Variants in SNAP25 observed in about 807,000 individuals in gnomAD.
SNAP25 encodes synaptosomal-associated protein 25.
SNAP25 carries 3 observed loss-of-function variants against 28.7 expected under a neutral mutation model. The observed-to-expected ratio is 0.10, with a 90% confidence interval of 0.05 to 0.27. SNAP25 has a LOEUF of 0.27. Among genes scored for constraint, SNAP25 ranks in the 10% least tolerant of loss-of-function variants. The probability of loss-of-function intolerance (pLI) is 1.00; values close to 1 mark genes in which losing one functional copy is unlikely to be tolerated. For missense variants in SNAP25, 117 were observed against 278.7 expected, an observed-to-expected ratio of 0.42 and a Z score of 4.13; for synonymous variants, 61 against 88.1, an observed-to-expected ratio of 0.69 and a Z score of 1.72.
At chr20:10,294,976 A>G (rs377363871) in intron 5 of SNAP25, among the ~76,000 whole-genome samples, 1 of 152,224 alleles carries the variant, frequency 6.6e-6, no homozygotes, top group African/African-American at 2.4e-5. Context: ...GTCCCCTGGG[A>G]TGGATTCTGA....
intron 4 of SNAP25, among the ~76,000 whole-genome samples, chr20:10,288,982 T>G (rs2063939507): frequency 6.6e-6 from 1 of 152,212 alleles, no homozygotes; most frequent in Admixed American, 6.5e-5. Flanking sequence ...TCATTTATGC[T>G]CTACTAATTT....
intron 1 of SNAP25, among the ~76,000 whole-genome samples, chr20:10,261,557 G>A (rs1406128955): frequency 6.6e-6 from 1 of 152,150 alleles, no homozygotes; most frequent in Non-Finnish European, 1.5e-5. Context: ...GAGCTTAGGA[G>A]GATGATAGAT....
At chr20:10,296,902 C>T in intron 5 of SNAP25, 23 bp from the exon 6 acceptor site, 1 of 1,613,812 alleles carries the variant, frequency 6.2e-7, no homozygotes, top group South Asian at 1.1e-5. Flanking sequence ...TGTGCCTTGT[C>T]ACTCACCCTC....
At chr20:10,224,255 G>GTTTTTTTTT (rs1438577018) in intron 1 of SNAP25, among the ~76,000 whole-genome samples, 1 of 24,032 alleles carries the variant, frequency 4.2e-5, no homozygotes, top group Non-Finnish European at 7.0e-5. Flanking sequence ...GAATGTACAT[G>GTTTTTTTTT]TCTTTTTTTT....
intron 1 of SNAP25, among the ~76,000 whole-genome samples, chr20:10,240,418 C>G (rs775551125): frequency 3.9e-5 from 6 of 152,196 alleles, no homozygotes; most frequent in Non-Finnish European, 7.3e-5. Flanking sequence ...TTACGTTTCC[C>G]TAATATCATA....
At chr20:10,242,709 C>G (rs978270396) in intron 1 of SNAP25, among the ~76,000 whole-genome samples, 3 of 152,192 alleles carry the variant, frequency 2.0e-5, no homozygotes, top group African/African-American at 7.2e-5. Flanking sequence ...CCTACAGATG[C>G]TCTCCAAATA....
intron 5 of SNAP25, among the ~76,000 whole-genome samples, chr20:10,294,955 G>A (rs2064078462): frequency 6.6e-6 from 1 of 152,174 alleles, no homozygotes; most frequent in Non-Finnish European, 1.5e-5. Context: ...TGAAGAAAGG[G>A]TGAAGGCAGG....
intron 1 of SNAP25, among the ~76,000 whole-genome samples, chr20:10,252,674 A>G (rs993747499): frequency 6.6e-6 from 1 of 152,166 alleles, no homozygotes; most frequent in Non-Finnish European, 1.5e-5. Flanking sequence ...AGCCCAAACA[A>G]GTTACATTCC....
In SNAP25 at chr20:10,237,823, C is replaced by A. The variant is rs184660651; in HGVS notation, c.-64+18846C>A. Among the ~76,000 whole-genome samples, 322 of 152,330 alleles carry A rather than the reference C, an allele frequency of 2.1e-3. 1 individual carries two copies. The highest frequency in any genetic ancestry group is 7.2e-3 in the African/African-American group (299 of 41,572). On this transcript the variant is annotated intron_variant, in intron 1 of 7. Transcript: ENST00000254976. ...CCAGAGCCACTTTAAAGCCCAAGCT[C>A]TATCCACAGCAAGCTTCACCCCAAT...
intron 1 of SNAP25, among the ~76,000 whole-genome samples, chr20:10,265,381 C>T (rs1040101093): frequency 2.0e-5 from 3 of 152,114 alleles, no homozygotes; most frequent in Admixed American, 6.5e-5. Context: ...AAAACATAAG[C>T]TTTAATTATT....
intron 6 of SNAP25, 113 bp downstream of exon 6, chr20:10,297,163 C>T: frequency 7.8e-7 from 1 of 1,288,742 alleles, no homozygotes; most frequent in Non-Finnish European, 1.0e-6. Context: ...AATCTACATA[C>T]CTGCTAAGTG....
intron 1 of SNAP25, among the ~76,000 whole-genome samples, chr20:10,245,369 A>G (rs1485807384): frequency 6.6e-6 from 1 of 152,140 alleles, no homozygotes; most frequent in African/African-American, 2.4e-5. Flanking sequence ...GTATAAAAGA[A>G]CCTGGACCAC....
chr20:10,298,232 G>T (rs2064157370), intron 6 of SNAP25, among the ~76,000 whole-genome samples: 4 of 152,124 alleles, frequency 2.6e-5, no homozygotes, highest in Admixed American at 2.6e-4. Context: ...TATGCACTCA[G>T]GGCCAAGCAC....
chr20:10,306,222 A>G lies in SNAP25; in HGVS notation c.*25A>G, dbSNP rs2064357159. On this transcript the variant is annotated 3_prime_UTR_variant, in exon 8 of 8. Coordinates refer to ENST00000254976, the MANE Select transcript of SNAP25 (RefSeq NM_130811.4). ...AGTGTGCCCACCCGTGTTCTCCTCCAAATGCTGTCGGGCAAGATAGCTCCT... is the reference window on the plus strand; with the variant it reads ...AGTGTGCCCACCCGTGTTCTCCTCCGAATGCTGTCGGGCAAGATAGCTCCT... 6.2e-7 allele frequency: 1 copy of G among 1,611,554 alleles called. No homozygotes were observed. The highest frequency in any genetic ancestry group is 8.5e-7 in the Non-Finnish European group (1 of 1,178,220).
At chr20:10,284,661 T>G in intron 3 of SNAP25, 63 bp from the exon 4 acceptor site, 2 of 1,310,926 alleles carry the variant, frequency 1.5e-6, no homozygotes, top group Non-Finnish European at 2.2e-6. Flanking sequence ...CCTTACTGAT[T>G]TCTCTTTCTC....
intron 1 of SNAP25, among the ~76,000 whole-genome samples, chr20:10,264,925 T>TTTTTTTTTTC (rs2063482056): frequency 6.6e-6 from 1 of 150,984 alleles, no homozygotes; most frequent in African/African-American, 2.4e-5. Flanking sequence ...ATGCTTTTTT[T>TTTTTTTTTTC]TTTTTTTTTT....
intron 1 of SNAP25, among the ~76,000 whole-genome samples, chr20:10,222,134 C>T (rs1217888803): frequency 6.6e-6 from 1 of 152,126 alleles, no homozygotes; most frequent in Non-Finnish European, 1.5e-5. Context: ...GAAATGAATC[C>T]CATGGGAGTT....
intron 1 of SNAP25, among the ~76,000 whole-genome samples, chr20:10,267,224 A>T (rs537469557): frequency 3.0e-4 from 45 of 152,322 alleles, no homozygotes; most frequent in African/African-American, 1.1e-3. Flanking sequence ...CAAAACCTGT[A>T]AGATACAGCC....
chr20:10,248,732 C>A (rs2063173533), intron 1 of SNAP25, among the ~76,000 whole-genome samples: 1 of 152,144 alleles, frequency 6.6e-6, no homozygotes, highest in African/African-American at 2.4e-5. Flanking sequence ...CATTTTTGAC[C>A]CTTAAAATCT....
Sources: allele counts gnomAD v4.1 joint callset (sites outside exome capture counted in the v4.1 genomes callset), GRCh38; gene constraint gnomAD v4.1.1; transcripts MANE v1.5; gene names NCBI Gene and HGNC (gene_info 2026-07-23, HGNC 2026-07-21).